LSAMP: variants seen among roughly 807,000 people sequenced by gnomAD.
The protein encoded by LSAMP is limbic system associated membrane protein.
In LSAMP, 7 loss-of-function variants were observed where a neutral mutation model predicts 38.6. The ratio of observed to expected loss-of-function variants is 0.18; its 90% CI spans 0.10 to 0.34. LSAMP has a LOEUF of 0.34. Among genes scored for constraint, LSAMP ranks in the 10% least tolerant of loss-of-function variants. The pLI, the probability that LSAMP is intolerant of heterozygous loss-of-function variation, is 1.00. For synonymous variants in LSAMP, 154 were observed against 166.8 expected (o/e 0.92, Z 0.59); for missense variants, 313 against 420.0 (o/e 0.75, Z 2.23).
chr3:116,157,381 T>C (rs1462680199), intron 1 of LSAMP, among the ~76,000 whole-genome samples: 2 of 152,166 alleles, frequency 1.3e-5, no homozygotes, highest in African/African-American at 2.4e-5. Flanking sequence ...CAGGCGCTCC[T>C]ATGTTCATTA....
At chr3:116,237,247 G>A (rs1203913662) in intron 1 of LSAMP, among the ~76,000 whole-genome samples, 1 of 152,124 alleles carries the variant, frequency 6.6e-6, no homozygotes, top group Non-Finnish European at 1.5e-5. Flanking sequence ...AACAATACAT[G>A]TAAACCCTAT....
At chr3:116,060,715 G>T (rs1443420083) in intron 2 of LSAMP, among the ~76,000 whole-genome samples, 1 of 152,212 alleles carries the variant, frequency 6.6e-6, no homozygotes, top group Non-Finnish European at 1.5e-5. Flanking sequence ...AGCTGAGATA[G>T]TGCCATCGTA....
In LSAMP at chr3:115,805,316, T is replaced by C. The variant is rs1933605675; in HGVS notation, c.*5001A>G. The C allele has an allele frequency of 6.6e-6, 1 of 152,162 alleles. No homozygotes were observed. The highest frequency in any genetic ancestry group is 2.4e-5 in the African/African-American group (1 of 41,454). 9.4% of individuals were successfully genotyped at this position (152,162 alleles called of 1,614,324 possible). A position where few individuals can be genotyped will look rare whatever the true frequency, so the allele number is the denominator to read the frequency against. On this transcript the variant is annotated 3_prime_UTR_variant, in exon 7 of 7. Transcript: ENST00000490035. ...GCTTCCTTTGGCTAAGGCAACCTCA[T>C]ATTTGGAGCTTTAGTCGTAATTCTT...
chr3:116,344,913 A>G (rs1398605552), intron 1 of LSAMP, among the ~76,000 whole-genome samples: 1 of 152,184 alleles, frequency 6.6e-6, no homozygotes, highest in East Asian at 1.9e-4. Context: ...TGATTTCTAT[A>G]TTATTCACGG....
intron 3 of LSAMP, among the ~76,000 whole-genome samples, chr3:115,871,581 TA>T (rs1193373644): frequency 3.1e-4 from 40 of 128,872 alleles, no homozygotes; most frequent in Admixed American, 2.9e-3. Context: ...AACCAACGTG[TA>T]GTGTGTGTGT....
chr3:116,235,005 T>C (rs2046447522), intron 1 of LSAMP, among the ~76,000 whole-genome samples: 1 of 146,554 alleles, frequency 6.8e-6, no homozygotes, highest in South Asian at 2.3e-4. Context: ...CAATGAACTT[T>C]TTTTATGTAG....
intron 1 of LSAMP, among the ~76,000 whole-genome samples, chr3:116,156,802 A>T (rs987873774): frequency 6.6e-6 from 1 of 152,172 alleles, no homozygotes; most frequent in African/African-American, 2.4e-5. Flanking sequence ...TCACAGGAAA[A>T]GAAGGCTCTG....
rs574785143 is a variant in LSAMP at position 116,201,385 on chromosome 3, C to A, written c.156-114829G>T. Among the ~76,000 whole-genome samples the A allele has an allele frequency of 1.1e-4, 16 of 152,246 alleles. 1 individual carries two copies. The South Asian group carries it at 3.3e-3, about 32-fold the overall frequency. ...AAGGCAGGGACAGTGTCTTAGTCACCTTTGTACCTTTAGTGTCTTTTTATA... is the reference window on the plus strand; with the variant it reads ...AAGGCAGGGACAGTGTCTTAGTCACATTTGTACCTTTAGTGTCTTTTTATA... On this transcript the variant is annotated intron_variant, in intron 1 of 6. Transcript: ENST00000490035.
chr3:115,864,726 CA>C (rs1348717233), intron 3 of LSAMP, among the ~76,000 whole-genome samples: 1 of 152,082 alleles, frequency 6.6e-6, no homozygotes, highest in African/African-American at 2.4e-5. Flanking sequence ...CCAGCCTAAA[CA>C]GTGTGAACCG....
At chr3:116,366,622 A>G (rs975879510) in intron 1 of LSAMP, among the ~76,000 whole-genome samples, 1 of 152,308 alleles carries the variant, frequency 6.6e-6, no homozygotes, top group Non-Finnish European at 1.5e-5. Context: ...GTGGTCCCCA[A>G]GAAGGTATGG....
chr3:115,952,879 G>A (rs1430163814), intron 3 of LSAMP, among the ~76,000 whole-genome samples: 1 of 152,142 alleles, frequency 6.6e-6, no homozygotes, highest in East Asian at 1.9e-4. Context: ...AAAAATTATT[G>A]TAATAGTAAA....
chr3:115,964,151 T>A (rs900083629), intron 3 of LSAMP, among the ~76,000 whole-genome samples: 2 of 152,222 alleles, frequency 1.3e-5, no homozygotes, highest in African/African-American at 4.8e-5. Context: ...TTTTATTGTA[T>A]CCTGTTTGTA....
At chr3:116,220,525 G>T (rs77318840) in intron 1 of LSAMP, among the ~76,000 whole-genome samples, 3 of 152,118 alleles carry the variant, frequency 2.0e-5, no homozygotes, top group African/African-American at 7.2e-5. Flanking sequence ...TTGGAAAAGT[G>T]ACTATTGGGA....
intron 6 of LSAMP, among the ~76,000 whole-genome samples, chr3:115,820,223 G>A (rs188038032): frequency 6.6e-5 from 10 of 152,260 alleles, no homozygotes; most frequent in Non-Finnish European, 1.3e-4. Context: ...CCAGGGCACC[G>A]TGCTTAGAAC....
intron 3 of LSAMP, among the ~76,000 whole-genome samples, chr3:115,906,352 C>T (rs1937007750): frequency 6.6e-6 from 1 of 152,078 alleles, no homozygotes; most frequent in Non-Finnish European, 1.5e-5. Flanking sequence ...ATTGTTTTTG[C>T]ATGTAAGTCC....
In LSAMP at chr3:115,856,439, G is replaced by C. The variant is rs142586663; in HGVS notation, c.515-3822C>G. On this transcript the variant is annotated intron_variant, in intron 3 of 6. Coordinates refer to ENST00000490035, the MANE Select transcript of LSAMP (RefSeq NM_002338.5). ...TCAAAACCAGCCAGGCCAACATGGT[G>C]AAACCCCGTTTCTACTAAAAATACA... 5.2e-3 allele frequency among the ~76,000 whole-genome samples: 791 copies of C among 152,172 alleles called. 7 individuals carry two copies. Among genetic ancestry groups the C allele is most frequent in the African/African-American group, 0.017 (704 of 41,516 alleles).
intron 1 of LSAMP, among the ~76,000 whole-genome samples, chr3:116,314,489 C>A (rs1026382643): frequency 6.6e-6 from 1 of 152,062 alleles, no homozygotes; most frequent in African/African-American, 2.4e-5. Context: ...AAGAAAATGG[C>A]GTGAGATCTC....
chr3:116,353,910 G>T (rs969838696), intron 1 of LSAMP, among the ~76,000 whole-genome samples: 5 of 152,032 alleles, frequency 3.3e-5, no homozygotes, highest in Admixed American at 3.3e-4. Context: ...ATCATTGTAG[G>T]AGAGCTTCTA....
chr3:116,300,666 C>T (rs1290738031), intron 1 of LSAMP, among the ~76,000 whole-genome samples: 2 of 152,156 alleles, frequency 1.3e-5, no homozygotes, highest in African/African-American at 4.8e-5. Context: ...ACCTGATGAT[C>T]TGAGACTCTA....
Sources: allele counts gnomAD v4.1 joint callset (sites outside exome capture counted in the v4.1 genomes callset), GRCh38; gene constraint gnomAD v4.1.1; transcripts MANE v1.5; gene names NCBI Gene and HGNC (gene_info 2026-07-23, HGNC 2026-07-21).